FAR1: variants seen among roughly 807,000 people sequenced by gnomAD.
FAR1 encodes male sterility domain-containing protein 2.
In FAR1, 22 loss-of-function variants were observed where a neutral mutation model predicts 61.1. The observed-to-expected ratio is 0.36, with a 90% CI of 0.26 to 0.51. The LOEUF (loss-of-function observed/expected upper bound fraction) is 0.51. FAR1 is among the 20% of genes least tolerant of loss of function. FAR1 has a pLI of 0.95. For missense variants in FAR1, 359 were observed against 626.9 expected, an observed-to-expected ratio of 0.57 and a Z score of 4.56; for synonymous variants, 206 against 209.7, an observed-to-expected ratio of 0.98 and a Z score of 0.15.
At chr11:13,720,306 G>T (rs1251393393) in intron 9 of FAR1, 3 of 152,072 alleles carry the variant, frequency 2.0e-5, no homozygotes, top group Non-Finnish European at 4.4e-5. Flanking sequence ...TGAGATTTAA[G>T]TATGCTAAAC....
chr11:13,674,502 G>T (rs1848044518), intron 1 of FAR1, among the ~76,000 whole-genome samples: 1 of 152,064 alleles, frequency 6.6e-6, no homozygotes. Flanking sequence ...CCTTGAATAG[G>T]TTGTATGCCT....
At chr11:13,710,117 G>C (rs1591267410) in intron 4 of FAR1, among the ~76,000 whole-genome samples, 1 of 151,972 alleles carries the variant, frequency 6.6e-6, no homozygotes, top group Admixed American at 6.5e-5. Flanking sequence ...GATTTGCAGT[G>C]CTGCACCTTA....
chr11:13,714,438 CATG>C (rs1848533040), intron 8 of FAR1, 68 bp from the exon 9 acceptor site: 1 of 1,423,560 alleles, frequency 7.0e-7, no homozygotes, highest in Non-Finnish European at 9.5e-7. Flanking sequence ...ATTATAAAAA[CATG>C]ATTTTTTTTT....
At chr11:13,700,731 A>G (rs1263038679) in intron 3 of FAR1, among the ~76,000 whole-genome samples, 1 of 152,112 alleles carries the variant, frequency 6.6e-6, no homozygotes, top group Non-Finnish European at 1.5e-5. Context: ...TAAACATGCA[A>G]CAGGGAAGAG....
Position 13,714,457 on chromosome 11 carries a change from A to G in FAR1, c.956-52A>G, listed in dbSNP as rs1257317095. ...TAAAAACATGATTTTTTTTTTTCAA[A>G]ACTTCATTACATGGTTATTATCAAA... is the stretch of plus-strand genomic sequence containing the variant. On this transcript the variant is annotated intron_variant, in intron 8 of 11. Coordinates refer to ENST00000354817, the MANE Select transcript of FAR1 (RefSeq NM_032228.6). 8.0e-6 allele frequency: 12 copies of G among 1,501,130 alleles called. No individual in the cohort carries two copies. The South Asian group carries it at 1.2e-4, about 14-fold the overall frequency. The allele number at this position is 1,501,130 out of a possible 1,614,324, so 93.0% of individuals were successfully genotyped here. A position where few individuals can be genotyped will look rare whatever the true frequency, so the allele number is the denominator to read the frequency against.
rs147721857 is a variant in FAR1, at chr11:13,728,747, C to T, written c.1521C>T (p.Phe507=). The T allele has an allele frequency of 8.4e-5, 135 of 1,611,946 alleles. No individual in the cohort carries two copies. The highest frequency in any genetic ancestry group is 1.1e-4 in the Non-Finnish European group (132 of 1,178,478). Reference sequence around the variant, plus strand: ...TGTGTTACAAGTTTTTGTCATACTTCCGAGCATCCAGCACTATGAGATACT... The same window carrying T: ...TGTGTTACAAGTTTTTGTCATACTTTCGAGCATCCAGCACTATGAGATACT... The part of the protein sequence containing the change: ...VSLCYKFLSY[F]RASSTMRY The change falls in exon 12 of 12, where the codon TTC becomes TTT. Residue 507 remains phenylalanine (F), a synonymous_variant. Coordinates refer to ENST00000354817, the MANE Select transcript of FAR1 (RefSeq NM_032228.6).
In FAR1 at chr11:13,704,288, C is replaced by T. The variant is rs148127370; in HGVS notation, c.366-3612C>T. 8.7e-3 allele frequency among the ~76,000 whole-genome samples: 1,322 copies of T among 151,706 alleles called. 14 individuals are homozygous for T. Among genetic ancestry groups the T allele is most frequent in the South Asian group, 0.039 (188 of 4,812 alleles). On this transcript the variant is annotated intron_variant, in intron 3 of 11. Coordinates refer to ENST00000354817, the MANE Select transcript of FAR1 (RefSeq NM_032228.6). ...ATGGATGGACAGATGGTGTGGTTTG[C>T]GGAAAATTCATAGTACAAAATTTTA...
At chr11:13,723,386 CCA>C (rs1491546111) in intron 10 of FAR1, 2 of 413,208 alleles carry the variant, frequency 4.8e-6, no homozygotes, top group African/African-American at 2.2e-5. Context: ...AAAAAAAACC[CCA>C]AAAAAAAACT....
chr11:13,692,774 T>A (rs574403498), intron 1 of FAR1, among the ~76,000 whole-genome samples: 1 of 152,306 alleles, frequency 6.6e-6, no homozygotes, highest in South Asian at 2.1e-4. Flanking sequence ...TTCATATTAT[T>A]TGTTTCCTTT....
At position 13,728,795 on chromosome 11, in the gene FAR1, G is replaced by C; in HGVS notation, c.*21G>C. The stretch of plus-strand genomic sequence containing the variant: ...ACTGAAGACCAAGGATTCAGCATTA[G>C]AACATCTATACATATGGTGATCTAA... On this transcript the variant is annotated 3_prime_UTR_variant, in exon 12 of 12. Transcript: ENST00000354817. 1.2e-5 allele frequency: 20 copies of C among 1,604,382 alleles called. No individual in the cohort carries two copies. The highest frequency in any genetic ancestry group is 1.7e-5 in the Non-Finnish European group (20 of 1,173,336).
At position 13,730,398 on chromosome 11, in the gene FAR1, A is replaced by G. The variant is rs1445791792; in HGVS notation, c.*1624A>G. 2 of 152,410 alleles carry G rather than the reference A, an allele frequency of 1.3e-5. No homozygotes were observed. Among genetic ancestry groups the G allele is most frequent in the African/African-American group, 2.4e-5 (1 of 41,426 alleles). 9.4% of individuals were successfully genotyped at this position (152,410 alleles called of 1,614,324 possible). The stretch of plus-strand genomic sequence containing the variant: ...AGTAAAACTTTTAAATATTATTTTA[A>G]AAGAAATATGTATATAAATATCTCT... On this transcript the variant is annotated 3_prime_UTR_variant, in exon 12 of 12. Coordinates refer to ENST00000354817, the MANE Select transcript of FAR1 (RefSeq NM_032228.6).
chr11:13,705,549 C>T (rs562686690), intron 3 of FAR1, among the ~76,000 whole-genome samples: 2 of 152,194 alleles, frequency 1.3e-5, no homozygotes, highest in African/African-American at 4.8e-5. Context: ...TCTTCCTGCC[C>T]CCATTGTTTT....
intron 1 of FAR1, among the ~76,000 whole-genome samples, chr11:13,681,582 A>G (rs1848127394): frequency 6.6e-6 from 1 of 152,210 alleles, no homozygotes; most frequent in African/African-American, 2.4e-5. Context: ...CTAGCTCACA[A>G]GAATACTGGT....
At chr11:13,706,317 TTCCTC>T (rs1848431236) in intron 3 of FAR1, among the ~76,000 whole-genome samples, 2 of 152,094 alleles carry the variant, frequency 1.3e-5, no homozygotes, top group African/African-American at 2.4e-5. Context: ...GAACAAGTTT[TTCCTC>T]TGAGTTAATT....
chr11:13,729,416 T>G lies in FAR1; in HGVS notation c.*642T>G, dbSNP rs536108512. ...CTTTTAAAATCAGAAGGCTATATTA[T>G]TCTAATGACCCTATTCGATCTAAAT... is the stretch of plus-strand genomic sequence containing the variant. On this transcript the variant is annotated 3_prime_UTR_variant, in exon 12 of 12. Coordinates refer to ENST00000354817, the MANE Select transcript of FAR1 (RefSeq NM_032228.6). The G allele has an allele frequency of 6.6e-6, 1 of 152,090 alleles. No individual in the cohort carries two copies. The highest frequency in any genetic ancestry group is 2.1e-4 in the South Asian group (1 of 4,834). The allele number at this position is 152,090 out of a possible 1,614,324, so 9.4% of individuals were successfully genotyped here. A position where few individuals can be genotyped will look rare whatever the true frequency, so the allele number is the denominator to read the frequency against.
At chr11:13,690,547 G>A (rs371901490) in intron 1 of FAR1, among the ~76,000 whole-genome samples, 19 of 152,226 alleles carry the variant, frequency 1.2e-4, no homozygotes, top group East Asian at 7.7e-4. Context: ...TCTGTGTATA[G>A]TGTGAGATAG....
chr11:13,703,115 C>T (rs1211052258), intron 3 of FAR1, among the ~76,000 whole-genome samples: 1 of 152,150 alleles, frequency 6.6e-6, no homozygotes, highest in African/African-American at 2.4e-5. Context: ...TTGGGTCAGA[C>T]ACTCTATAAT....
chr11:13,712,282 C>G (rs1430169684), intron 7 of FAR1, among the ~76,000 whole-genome samples: 1 of 147,218 alleles, frequency 6.8e-6, no homozygotes, highest in East Asian at 2.0e-4. Flanking sequence ...GACAAGTTCA[C>G]TTAAAAATGA....
chr11:13,669,078 C>T (rs1381823876), intron 1 of FAR1, among the ~76,000 whole-genome samples: 1 of 152,142 alleles, frequency 6.6e-6, no homozygotes, highest in Non-Finnish European at 1.5e-5. Flanking sequence ...AGCCGCGGAG[C>T]CCGGGGAGCC....
Sources: gnomAD v4.1 joint callset for allele counts (sites outside exome capture counted in the v4.1 genomes callset) on GRCh38, gnomAD v4.1.1 for gene constraint, MANE v1.5 for transcripts, NCBI Gene and HGNC (gene_info 2026-07-23, HGNC 2026-07-21) for gene names.